The following MPP2 variants were observed in gnomAD, a reference collection of about 807,000 sequenced individuals.
MPP2 encodes the protein MAGUK p55 scaffold protein 2, also known as MAGUK p55 subfamily member 2.
In MPP2, 42 loss-of-function variants were observed where a neutral mutation model predicts 58.5. That is an observed-to-expected ratio of 0.72 (90% CI 0.56 to 0.93). The LOEUF is 0.93. Among genes scored for constraint, MPP2 ranks in the 40% least tolerant of loss-of-function variants. The pLI, the probability that MPP2 is intolerant of heterozygous loss-of-function variation, is 0.00. For synonymous variants in MPP2, 300 were observed against 307.8 expected (o/e 0.97, Z 0.26); for missense variants, 632 against 760.4 (o/e 0.83, Z 1.99).
chr17:43,879,879 T>C lies in MPP2; in HGVS notation c.1256A>G (p.His419Arg), dbSNP rs2143525600. The change falls in exon 11 of 13, where the codon CAT becomes CGT. Residue 419 changes from histidine to arginine, a missense_variant. Transcript: ENST00000269095. The surrounding 1 kb of genome is among the most constrained non-coding windows in gnomAD (Gnocchi z 4.1). ...ATACAGGTTGCCCTCGTATTCGCCA[T>C]GCTCCAGGTAGCGCCCAGCACGGAC... ...ADVRAGRYLE[H>R]GEYEGNLYGT... The C allele has an allele frequency of 1.9e-6, 3 of 1,614,048 alleles. No individual in the cohort carries two copies. The highest frequency in any genetic ancestry group is 1.7e-6 in the Non-Finnish European group (2 of 1,179,988).
chr17:43,901,453 A>G lies in MPP2; in HGVS notation c.31+2977T>C, dbSNP rs2048093652. On this transcript the variant is annotated intron_variant, in intron 2 of 12. Coordinates refer to ENST00000269095, the MANE Select transcript of MPP2 (RefSeq NM_005374.5). ...GGAAAAGTGTGGGCAGAAGGGAAGG[A>G]CTCAGCTCCGCTCCGGTGACCCCAT... The G allele has an allele frequency of 4.1e-6, 4 of 985,504 alleles. No individual in the cohort carries two copies. The South Asian group carries it at 1.4e-4, about 35-fold the overall frequency. 61.0% of individuals were successfully genotyped at this position (985,504 alleles called of 1,614,324 possible).
chr17:43,888,967 T>C (rs231511), intron 3 of MPP2, among the ~76,000 whole-genome samples: 134,463 of 152,090 alleles, frequency 0.88, 59,564 homozygotes, highest in East Asian at 1. Context: ...CACTCTGTAG[T>C]CCAAATTGGA....
intron 3 of MPP2, among the ~76,000 whole-genome samples, chr17:43,894,911 C>T (rs1190390866): frequency 2.6e-5 from 4 of 152,000 alleles, no homozygotes; most frequent in African/African-American, 4.8e-5. Flanking sequence ...CCACTGTACT[C>T]CAACCTGGGA....
chr17:43,909,096 C>A (rs1057392666), upstream of MPP2, among the ~76,000 whole-genome samples: 1 of 151,998 alleles, frequency 6.6e-6, no homozygotes, highest in African/African-American at 2.4e-5. Context: ...GACGGAGTTT[C>A]GCTCTTGTTG....
chr17:43,879,864 C>T lies in MPP2; in HGVS notation c.1271G>A (p.Gly424Asp), dbSNP rs1227380951. 1.2e-6 allele frequency: 2 copies of T among 1,614,040 alleles called. No individual in the cohort carries two copies. The highest frequency in any genetic ancestry group is 2.2e-5 in the East Asian group (1 of 44,866). ...GTCAATACGTGTGCCATACAGGTTGCCCTCGTATTCGCCATGCTCCAGGTA... is the reference window on the plus strand; with the variant it reads ...GTCAATACGTGTGCCATACAGGTTGTCCTCGTATTCGCCATGCTCCAGGTA... ...GRYLEHGEYE[G>D]NLYGTRIDSI... Residue 424 changes from glycine (G) to aspartate (D), a missense_variant, in exon 11 of 13, where the codon GGC becomes GAC. Transcript: ENST00000269095. The surrounding 1 kb of genome is among the most constrained non-coding windows in gnomAD (Gnocchi z 4.1).
chr17:43,899,549 C>T lies in MPP2; in HGVS notation c.32-1169G>A, dbSNP rs144200166. Among the ~76,000 whole-genome samples the T allele has an allele frequency of 7.7e-4, 117 of 152,242 alleles. 1 individual carries two copies. The East Asian group carries it at 0.021, about 28-fold the overall frequency. On this transcript the variant is annotated intron_variant, in intron 2 of 12. Transcript: ENST00000269095. ...GATTGGGCTAGATGATGTTTACAGG[C>T]CTTCAGCTCTGAGTGACAATGATCT...
upstream of MPP2, chr17:43,907,618 G>A (rs916791487): frequency 4.6e-5 from 45 of 985,642 alleles, no homozygotes; most frequent in African/African-American, 6.8e-4. Context: ...GGGGAGGTGA[G>A]GAGAACGCGG....
intron 6 of MPP2, 129 bp downstream of exon 6, chr17:43,882,155 G>A (rs1299661961): frequency 3.5e-6 from 3 of 864,748 alleles, no homozygotes; most frequent in Non-Finnish European, 5.4e-6. Flanking sequence ...GCTGCCCCTG[G>A]GCTGCAGGTC....
rs772179020 is a variant in MPP2 at position 43,880,024 on chromosome 17, C to G, written c.1151-40G>C. ...GTAGGTTGGACCAAATGGGCAGGGG[C>G]AGGTTACAGTGCCTCAGACACATAT... is the stretch of plus-strand genomic sequence containing the variant. On this transcript the variant is annotated intron_variant, in intron 10 of 12. Transcript: ENST00000269095. This position sits in a 1 kb window ranked among gnomAD's most constrained non-coding sequence, Gnocchi z 5.2. 5.6e-6 allele frequency: 9 copies of G among 1,600,060 alleles called. No homozygotes were observed. Among genetic ancestry groups the G allele is most frequent in the Non-Finnish European group, 7.7e-6 (9 of 1,168,236 alleles).
At position 43,876,402 on chromosome 17, in the gene MPP2, T is replaced by A. The variant is rs2046831178; in HGVS notation, c.*1405A>T. On this transcript the variant is annotated 3_prime_UTR_variant, in exon 13 of 13. Transcript: ENST00000269095. ...TGCCCAAGTACATCTAGGACAGCAT[T>A]CTTTCTTAAAGGGAGTCTCCTATTT... 6.6e-6 allele frequency: 1 copy of A among 152,258 alleles called. No individual in the cohort carries two copies. Among genetic ancestry groups the A allele is most frequent in the Non-Finnish European group, 1.5e-5 (1 of 68,022 alleles). 9.4% of individuals were successfully genotyped at this position (152,258 alleles called of 1,614,324 possible). A position where few individuals can be genotyped will look rare whatever the true frequency, so the allele number is the denominator to read the frequency against.
chr17:43,896,290 T>C (rs918979219), intron 3 of MPP2, among the ~76,000 whole-genome samples: 1 of 152,020 alleles, frequency 6.6e-6, no homozygotes, highest in African/African-American at 2.4e-5. Flanking sequence ...GACAAGCCCA[T>C]CCCACTCCTG....
At chr17:43,883,093 C>T (rs572043250) in intron 4 of MPP2, 41 bp from the exon 5 acceptor site, 52 of 1,581,280 alleles carry the variant, frequency 3.3e-5, no homozygotes, top group Admixed American at 9.2e-5. Context: ...GGGGCAGTGT[C>T]CCGGGTCTCT....
chr17:43,879,152 C>A lies in MPP2; in HGVS notation c.1482+123G>T. Reference sequence around the variant, plus strand: ...GCAGGGGGGACCACGTCCTGCCTCACTGATAACTGGAGCAGGCCCCTGTCC... The same window carrying A: ...GCAGGGGGGACCACGTCCTGCCTCAATGATAACTGGAGCAGGCCCCTGTCC... On this transcript the variant is annotated intron_variant, in intron 12 of 12. Coordinates refer to ENST00000269095, the MANE Select transcript of MPP2 (RefSeq NM_005374.5). The surrounding 1 kb of genome is among the most constrained non-coding windows in gnomAD (Gnocchi z 4.1). 1 of 1,246,216 alleles carries A rather than the reference C, an allele frequency of 8.0e-7. No individual in the cohort carries two copies. The highest frequency in any genetic ancestry group is 1.1e-6 in the Non-Finnish European group (1 of 889,048). The allele number at this position is 1,246,216 out of a possible 1,614,324, so 77.2% of individuals were successfully genotyped here.
rs183834342 is a variant in MPP2, at chr17:43,889,127, T to C, written c.151-5772A>G. Among the ~76,000 whole-genome samples, 1,307 of 152,198 alleles carry C rather than the reference T, an allele frequency of 8.6e-3. 18 individuals are homozygous for C. Among genetic ancestry groups the C allele is most frequent in the Admixed American group, 0.02 (309 of 15,298 alleles). ...TTTCAGTTGAGATGAGGTTTCACCA[T>C]GTTGCCCAGGCTAGTCACAAACTCC... On this transcript the variant is annotated intron_variant, in intron 3 of 12. Coordinates refer to ENST00000269095, the MANE Select transcript of MPP2 (RefSeq NM_005374.5).
At chr17:43,904,519 G>C in intron 1 of MPP2, 26 bp from the exon 2 acceptor site, 1 of 1,606,324 alleles carries the variant, frequency 6.2e-7, no homozygotes, top group Non-Finnish European at 8.5e-7. Flanking sequence ...AGGAGGATGA[G>C]CAGATACAAG....
chr17:43,892,165 T>A (rs1333316450), intron 3 of MPP2, among the ~76,000 whole-genome samples: 2 of 152,200 alleles, frequency 1.3e-5, no homozygotes, highest in African/African-American at 4.8e-5. Context: ...CCTCAGGCCC[T>A]GTCCCTCCCT....
At position 43,883,051 on chromosome 17, in the gene MPP2, GAC is replaced by G. The variant is rs1451301204; in HGVS notation, c.304-1_304del. ...CACAGAGTCGTGCGTCTCCAGGAGG[GAC>G]TGGGGGGTGGTGGGAAGAGAAGGGA... On this transcript the variant is annotated splice_acceptor_variant and coding_sequence_variant, in exon 5 of 13. Transcript: ENST00000269095. LOFTEE classifies it high-confidence loss of function. 6.8e-6 allele frequency: 11 copies of G among 1,611,258 alleles called. No individual in the cohort carries two copies.
chr17:43,900,753 C>A, intron 2 of MPP2: 1 of 556,476 alleles, frequency 1.8e-6, no homozygotes, highest in South Asian at 7.8e-5. Context: ...GCAGAGCAGG[C>A]GGTAACCCGG....
intron 3 of MPP2, among the ~76,000 whole-genome samples, chr17:43,892,510 C>T (rs2047649094): frequency 6.6e-6 from 1 of 152,098 alleles, no homozygotes; most frequent in Non-Finnish European, 1.5e-5. Context: ...ATTGCAAAGG[C>T]TCACCCATAC....
Sources: gnomAD v4.1 joint callset for allele counts (sites outside exome capture counted in the v4.1 genomes callset) on GRCh38, gnomAD v4.1.1 for gene constraint, Gnocchi (gnomAD v3.1) non-coding constraint, MANE v1.5 for transcripts, NCBI Gene and HGNC (gene_info 2026-07-23, HGNC 2026-07-21) for gene names.